Variants in C13orf42 observed in about 807,000 individuals in gnomAD.
C13orf42 encodes uncharacterized protein C13orf42.
At chr13:51,122,616 T>A (rs1482880088) in intron 1 of C13orf42, among the ~76,000 whole-genome samples, 2 of 152,150 alleles carry the variant, frequency 1.3e-5, no homozygotes, top group African/African-American at 2.4e-5. Context: ...AAAATTTTTT[T>A]AAACCGTCAT....
chr13:51,151,609 C>T (rs1209756698), intron 1 of C13orf42, among the ~76,000 whole-genome samples: 1 of 152,192 alleles, frequency 6.6e-6, no homozygotes. Context: ...ACTGACCCTG[C>T]CAATGCAAAT....
At chr13:51,100,589 T>C (rs889066802) in intron 1 of C13orf42, among the ~76,000 whole-genome samples, 1 of 152,196 alleles carries the variant, frequency 6.6e-6, no homozygotes, top group Admixed American at 6.5e-5. Context: ...AAGGTCATTA[T>C]GCAAGCAATA....
intron 1 of C13orf42, among the ~76,000 whole-genome samples, chr13:51,142,048 A>G (rs1953699905): frequency 6.6e-6 from 1 of 152,244 alleles, no homozygotes; most frequent in South Asian, 2.1e-4. Flanking sequence ...CAAAACTACA[A>G]ACCCAGCCCA....
intron 1 of C13orf42, among the ~76,000 whole-genome samples, chr13:51,151,373 A>AG (rs1953776343): frequency 8.7e-6 from 1 of 115,362 alleles, no homozygotes; most frequent in Non-Finnish European, 2.0e-5. Flanking sequence ...AAGCTGGAAA[A>AG]GGAAAAAAAA....
At chr13:51,162,735 C>T (rs568637611) in intron 1 of C13orf42, among the ~76,000 whole-genome samples, 9 of 152,248 alleles carry the variant, frequency 5.9e-5, no homozygotes, top group African/African-American at 2.2e-4. Flanking sequence ...GTGAGCAAGC[C>T]GAGGCTCAAT....
chr13:51,123,248 T>G (rs902819911), intron 1 of C13orf42, among the ~76,000 whole-genome samples: 1 of 152,220 alleles, frequency 6.6e-6, no homozygotes, highest in South Asian at 2.1e-4. Flanking sequence ...TCTTATTGGC[T>G]TATTACACAG....
chr13:51,112,347 C>CTG (rs976456850), upstream of C13orf42, among the ~76,000 whole-genome samples: 2 of 151,860 alleles, frequency 1.3e-5, no homozygotes, highest in Non-Finnish European at 2.9e-5. Flanking sequence ...GCTGTTTGCT[C>CTG]TGTGTGTGTG....
At chr13:51,118,388 G>A (rs554073686) in intron 1 of C13orf42, among the ~76,000 whole-genome samples, 1 of 152,298 alleles carries the variant, frequency 6.6e-6, no homozygotes, top group East Asian at 1.9e-4. Context: ...GGCACGACAG[G>A]CCTCCTACCT....
At chr13:51,120,685 G>A (rs1410991100) in intron 1 of C13orf42, among the ~76,000 whole-genome samples, 1 of 152,162 alleles carries the variant, frequency 6.6e-6, no homozygotes, top group Non-Finnish European at 1.5e-5. Context: ...AGTCATTGCT[G>A]TGTGATTTTG....
intron 1 of C13orf42, among the ~76,000 whole-genome samples, chr13:51,138,024 G>C (rs1347363928): frequency 6.6e-6 from 1 of 151,960 alleles, no homozygotes; most frequent in Non-Finnish European, 1.5e-5. Context: ...TGTCATCAGT[G>C]CTGTCCTCAG....
At chr13:51,153,621 GT>G (rs1202370498) in intron 1 of C13orf42, among the ~76,000 whole-genome samples, 1 of 82,034 alleles carries the variant, frequency 1.2e-5, no homozygotes, top group Admixed American at 1.3e-4. Context: ...CTTGCTTTCT[GT>G]TTTTTTTCTT....
rs555307544 is a variant in C13orf42 at position 51,126,477 on chromosome 13, T to G, written n.137-13255A>C. ...GCATATTAAAATTATTTCCTTGAAG[T>G]TAAAACATTCCAGAATTTACCTACA... On this transcript the variant is annotated intron_variant and non_coding_transcript_variant, in intron 1 of 4. Coordinates refer to the C13orf42 transcript ENST00000433280. Among the ~76,000 whole-genome samples, 28 of 152,290 alleles carry G rather than the reference T, an allele frequency of 1.8e-4. 1 individual carries two copies. The South Asian group carries it at 5.8e-3, about 32-fold the overall frequency.
chr13:51,130,716 A>G (rs1953609637), intron 1 of C13orf42, among the ~76,000 whole-genome samples: 1 of 152,200 alleles, frequency 6.6e-6, no homozygotes, highest in South Asian at 2.1e-4. Flanking sequence ...ACTAGTACAT[A>G]ATTAAACCCC....
intron 1 of C13orf42, among the ~76,000 whole-genome samples, chr13:51,148,438 G>A (rs1402503864): frequency 6.6e-6 from 1 of 152,232 alleles, no homozygotes; most frequent in African/African-American, 2.4e-5. Flanking sequence ...ACGCCCACAG[G>A]GTGCCATGCA....
intron 1 of C13orf42, among the ~76,000 whole-genome samples, chr13:51,153,522 A>C (rs1175889383): frequency 6.6e-6 from 1 of 151,974 alleles, no homozygotes; most frequent in Non-Finnish European, 1.5e-5. Context: ...TTGTAGTAAA[A>C]ATTATGTAAC....
At chr13:51,149,476 T>C (rs1953763729) in intron 1 of C13orf42, among the ~76,000 whole-genome samples, 1 of 152,190 alleles carries the variant, frequency 6.6e-6, no homozygotes, top group Admixed American at 6.5e-5. Flanking sequence ...AAGAGCCATT[T>C]TGAACAATGC....
chr13:51,163,472 C>T (rs552788305), intron 1 of C13orf42, among the ~76,000 whole-genome samples: 2 of 152,232 alleles, frequency 1.3e-5, no homozygotes, highest in African/African-American at 4.8e-5. Context: ...GTTTTGAGGA[C>T]TTACATACAT....
intron 1 of C13orf42, among the ~76,000 whole-genome samples, chr13:51,122,765 T>C (rs560077445): frequency 1.3e-5 from 2 of 152,296 alleles, no homozygotes; most frequent in Non-Finnish European, 1.5e-5. Flanking sequence ...GGATGGTAAA[T>C]CCTCAGGGCC....
At chr13:51,143,082 T>C (rs1038732520) in intron 1 of C13orf42, among the ~76,000 whole-genome samples, 1 of 152,322 alleles carries the variant, frequency 6.6e-6, no homozygotes, top group Non-Finnish European at 1.5e-5. Flanking sequence ...GTATATGCTT[T>C]TAAAGTCCTT....
Sources: allele counts gnomAD v4.1 joint callset (sites outside exome capture counted in the v4.1 genomes callset), GRCh38; gene constraint gnomAD v4.1.1; transcripts MANE v1.5; gene names NCBI Gene and HGNC (gene_info 2026-07-23, HGNC 2026-07-21).